Variants in KIFC3 observed in about 807,000 individuals in gnomAD.
The protein encoded by KIFC3 is kinesin-like protein KIFC3.
A neutral mutation model predicts 101.8 loss-of-function variants in KIFC3; 60 were observed. That is an observed-to-expected ratio of 0.59 (90% CI 0.48 to 0.73). The LOEUF is 0.73. KIFC3 is among the 30% of genes least tolerant of loss of function. The pLI is 0.00. For synonymous variants in KIFC3, 476 were observed against 482.7 expected (o/e 0.99, Z 0.18); for missense variants, 966 against 1,137.1 (o/e 0.85, Z 2.16).
upstream of KIFC3, chr16:57,807,554 C>G (rs1437214958): frequency 6.6e-6 from 1 of 152,290 alleles, no homozygotes; most frequent in Non-Finnish European, 1.5e-5. Context: ...TTTTCTCACT[C>G]TTTTCTCTCC....
intron 3 of KIFC3, chr16:57,774,996 G>A (rs562291613): frequency 1.3e-6 from 2 of 1,533,808 alleles, no homozygotes; most frequent in East Asian, 4.9e-5. Context: ...CATCTCCACT[G>A]CCGCCCCTGC....
chr16:57,758,621 C>T lies in KIFC3; in HGVS notation c.*313G>A. On this transcript the variant is annotated 3_prime_UTR_variant, in exon 20 of 20. Coordinates refer to ENST00000445690, the MANE Select transcript of KIFC3 (RefSeq NM_001130100.2). ...GGTGAGAGGCCCACCCTCCTCCACACTCCCGCCCTCCTCACGGGGCCCAGT... is the reference window on the plus strand; with the variant it reads ...GGTGAGAGGCCCACCCTCCTCCACATTCCCGCCCTCCTCACGGGGCCCAGT... 4 of 695,424 alleles carry T rather than the reference C, an allele frequency of 5.8e-6. No individual in the cohort carries two copies. The Middle Eastern group carries it at 6.9e-4, about 120-fold the overall frequency. 43.1% of individuals were successfully genotyped at this position (695,424 alleles called of 1,614,324 possible). A position where few individuals can be genotyped will look rare whatever the true frequency, so the allele number is the denominator to read the frequency against.
chr16:57,774,362 T>C (rs1227967979), intron 3 of KIFC3: 1 of 152,250 alleles, frequency 6.6e-6, no homozygotes, highest in Non-Finnish European at 1.5e-5. Flanking sequence ...TCTGTCATCA[T>C]TACATTCATG....
chr16:57,835,847 G>A (rs1047636417), intron 1 of KIFC3, among the ~76,000 whole-genome samples: 2 of 152,214 alleles, frequency 1.3e-5, no homozygotes, highest in Non-Finnish European at 2.9e-5. Context: ...CTACTCAGGA[G>A]GCTAAGGCGT....
In KIFC3 at chr16:57,765,567, A is replaced by G. The variant is rs782779469; in HGVS notation, c.1404T>C (p.Ala468=). 5.4e-5 allele frequency: 87 copies of G among 1,609,296 alleles called. No individual in the cohort carries two copies. Among genetic ancestry groups the G allele is most frequent in the Non-Finnish European group, 7.4e-5 (87 of 1,177,770 alleles). The part of the protein sequence containing the change: ...EDGEGPEATN[A]VTFDADDDSI... ...AGTCGTCGTCGGCATCGAAAGTCAC[A>G]GCATTGGTGGCCTCAGGTCCTTCCC... is the stretch of plus-strand genomic sequence containing the variant. Residue 468 remains alanine (A), a synonymous_variant, in exon 11 of 20, where the codon GCT becomes GCC. Coordinates refer to ENST00000445690, the MANE Select transcript of KIFC3 (RefSeq NM_001130100.2).
At chr16:57,799,112 G>A (rs528717973) in intron 1 of KIFC3, among the ~76,000 whole-genome samples, 3 of 152,330 alleles carry the variant, frequency 2.0e-5, no homozygotes, top group Admixed American at 1.3e-4. Flanking sequence ...GAGGGGGGCA[G>A]AGAGCATTGG....
At chr16:57,771,123 C>A in intron 6 of KIFC3, 75 bp downstream of exon 6, 1 of 1,564,328 alleles carries the variant, frequency 6.4e-7, no homozygotes. Flanking sequence ...AGGACAAGCC[C>A]CCCTTATGGG....
At position 57,769,739 on chromosome 16, in the gene KIFC3, C is replaced by G. The variant is rs782580005; in HGVS notation, c.1088-14G>C. ...TGGTCCGGACGCCTATGGGGACACT[C>G]GGGCTGTGAGGCGGGAGGGGATGAG... On this transcript the variant is annotated splice_polypyrimidine_tract_variant and intron_variant, in intron 8 of 19. Transcript: ENST00000445690. The surrounding 1 kb of genome is among the most constrained non-coding windows in gnomAD (Gnocchi z 4.3). 6.2e-7 allele frequency: 1 copy of G among 1,612,860 alleles called. No individual in the cohort carries two copies. Among genetic ancestry groups the G allele is most frequent in the Admixed American group, 1.7e-5 (1 of 59,988 alleles).
intron 1 of KIFC3, among the ~76,000 whole-genome samples, chr16:57,828,865 G>A (rs985319189): frequency 4.6e-5 from 7 of 151,090 alleles, no homozygotes; most frequent in Non-Finnish European, 1.0e-4. Context: ...TACTGATTGA[G>A]CCCTAACTAG....
At chr16:57,796,191 C>T (rs2054306356) in intron 2 of KIFC3, among the ~76,000 whole-genome samples, 1 of 152,186 alleles carries the variant, frequency 6.6e-6, no homozygotes. Flanking sequence ...CAGCACCCAG[C>T]CTTTACACAC....
At chr16:57,762,526 T>C (rs2049988823) in intron 12 of KIFC3, among the ~76,000 whole-genome samples, 1 of 152,180 alleles carries the variant, frequency 6.6e-6, no homozygotes, top group South Asian at 2.1e-4. Context: ...ATGAGGGGCC[T>C]GGCCCAGACC....
rs1555606295 is a variant in KIFC3 at position 57,769,910 on chromosome 16, G to T, written c.985C>A (p.Leu329Met). 5.0e-6 allele frequency: 8 copies of T among 1,613,838 alleles called. No individual in the cohort carries two copies. The highest frequency in any genetic ancestry group is 1.1e-5 in the South Asian group (1 of 91,082). The change falls in exon 8 of 20, where the codon CTG becomes ATG. Residue 329 changes from leucine to methionine, a missense_variant. Coordinates refer to ENST00000445690, the MANE Select transcript of KIFC3 (RefSeq NM_001130100.2). The surrounding 1 kb of genome is among the most constrained non-coding windows in gnomAD (Gnocchi z 4.3). Reference protein sequence around the residue: ...SELERAHGQMLEEMQSLEEDK... With the variant: ...SELERAHGQMMEEMQSLEEDK... ...TCTTCCAGGGACTGCATCTCCTCCA[G>T]CATCTGCCCATGGGCCCGCTCCAGC...
chr16:57,829,071 T>C (rs1555478748), intron 1 of KIFC3, among the ~76,000 whole-genome samples: 1 of 152,114 alleles, frequency 6.6e-6, no homozygotes, highest in Non-Finnish European at 1.5e-5. Flanking sequence ...CAGACCATAA[T>C]ACTTTTAAGG....
chr16:57,762,044 T>G, intron 13 of KIFC3, 96 bp downstream of exon 13: 1 of 1,413,366 alleles, frequency 7.1e-7, no homozygotes, highest in Non-Finnish European at 9.4e-7. Context: ...GCTCCCCACA[T>G]ACTGGGGGTC....
chr16:57,833,564 CT>C lies in KIFC3; in HGVS notation c.108+29164del, dbSNP rs370574380. ...CCCAGGCTCCTGTCCCAAGCACACT[CT>C]TCCTGGAAGCAGCCCCCACAGACTC... On this transcript the variant is annotated intron_variant, in intron 1 of 2. Coordinates refer to the KIFC3 transcript ENST00000563028. Among the ~76,000 whole-genome samples, 287 of 152,312 alleles carry C rather than the reference CT, an allele frequency of 1.9e-3. 1 individual carries two copies. The highest frequency in any genetic ancestry group is 6.8e-3 in the African/African-American group (283 of 41,576).
intron 3 of KIFC3, among the ~76,000 whole-genome samples, chr16:57,785,944 A>G (rs2053273509): frequency 6.6e-6 from 1 of 151,988 alleles, no homozygotes; most frequent in African/African-American, 2.4e-5. Flanking sequence ...CTCAAAGCAC[A>G]TGTTCTAGGT....
Position 57,759,748 on chromosome 16 carries a change from CG to C in KIFC3, c.2455del (p.Arg819GlyfsTer109), listed in dbSNP as rs1297127471. The stretch of plus-strand genomic sequence containing the variant: ...CTCACCCGAGGGCTGCAGCTTCCTC[CG>C]GATGGATCCAGGGCGGCTACTGGTC... ...SGTSSRPGSI[R>X]RKLQPSA is the part of the protein sequence containing the mutation. On this transcript the variant is annotated frameshift_variant, in exon 18 of 20. Transcript: ENST00000445690. LOFTEE classifies it high-confidence loss of function. 6.2e-7 allele frequency: 1 copy of C among 1,610,678 alleles called. No individual in the cohort carries two copies. The highest frequency in any genetic ancestry group is 8.5e-7 in the Non-Finnish European group (1 of 1,178,634).
At chr16:57,774,762 A>T in intron 3 of KIFC3, 1 of 701,754 alleles carries the variant, frequency 1.4e-6, no homozygotes, top group Non-Finnish European at 2.1e-6. Context: ...CCTGGCCTCA[A>T]GCAGTCTTCC....
chr16:57,842,277 C>G (rs570540331), intron 1 of KIFC3, among the ~76,000 whole-genome samples: 30 of 152,226 alleles, frequency 2.0e-4, no homozygotes, highest in Non-Finnish European at 4.1e-4. Context: ...CCTCCCCCAC[C>G]TGGAATGCAA....
Sources: gnomAD v4.1 joint callset for allele counts (sites outside exome capture counted in the v4.1 genomes callset) on GRCh38, gnomAD v4.1.1 for gene constraint, Gnocchi (gnomAD v3.1) non-coding constraint, MANE v1.5 for transcripts, NCBI Gene and HGNC (gene_info 2026-07-23, HGNC 2026-07-21) for gene names.